The following ITPRID1 variants were observed in gnomAD, a reference collection of about 807,000 sequenced individuals.
The protein encoded by ITPRID1 is ITPR interacting domain containing 1.
In ITPRID1, 96 loss-of-function variants were observed where a neutral mutation model predicts 95.4. The observed-to-expected ratio is 1.01, with a 90% CI of 0.85 to 1.19. The LOEUF (loss-of-function observed/expected upper bound fraction) is 1.19. Among genes scored for constraint, ITPRID1 ranks in the 50% most tolerant of loss-of-function variants. The probability of loss-of-function intolerance (pLI) is 0.00; values close to 1 mark genes in which losing one functional copy is unlikely to be tolerated. For missense variants in ITPRID1, 1,339 were observed against 1,252.9 expected (o/e 1.07, Z -1.04); for synonymous variants, 510 against 453.6 (o/e 1.12, Z -1.58).
intron 12 of ITPRID1, among the ~76,000 whole-genome samples, chr7:31,648,236 C>T (rs778664615): frequency 6.6e-6 from 1 of 151,980 alleles, no homozygotes; most frequent in Non-Finnish European, 1.5e-5. Context: ...GTGCTCTTAC[C>T]ATTGAAGTTA....
rs34757342 is a variant in ITPRID1, at chr7:31,571,023, G to GTT, written c.309-1071_309-1070dup. ...AATTAAAGGACAGGGCCCAGCTATTGTTTTTTTTTGTTTGTTTGTTTGTTT... is the reference window on the plus strand; with the variant it reads ...AATTAAAGGACAGGGCCCAGCTATTGTTTTTTTTTTTGTTTGTTTGTTTGTTT... On this transcript the variant is annotated intron_variant, in intron 6 of 14. Transcript: ENST00000615280. 3.0e-4 allele frequency among the ~76,000 whole-genome samples: 45 copies of GTT among 150,568 alleles called. 1 individual carries two copies. The highest frequency in any genetic ancestry group is 1.5e-3 in the South Asian group (7 of 4,730).
Position 31,654,738 on chromosome 7 carries a change from T to C in ITPRID1, c.*1909T>C, listed in dbSNP as rs1791212486. ...TGCAGAATGGAATAGGAAAAACTGCTTGGAAAAGTAATGCCATGAGGGAAG... is the reference window on the plus strand; with the variant it reads ...TGCAGAATGGAATAGGAAAAACTGCCTGGAAAAGTAATGCCATGAGGGAAG... On this transcript the variant is annotated 3_prime_UTR_variant, in exon 15 of 15. Coordinates refer to ENST00000615280, the MANE Select transcript of ITPRID1 (RefSeq NM_001257967.3). Among the ~76,000 whole-genome samples the C allele has an allele frequency of 6.6e-6, 1 of 152,104 alleles. No individual in the cohort carries two copies. The highest frequency in any genetic ancestry group is 6.5e-5 in the Admixed American group (1 of 15,270).
chr7:31,609,936 A>C (rs1786792444), intron 10 of ITPRID1, among the ~76,000 whole-genome samples: 1 of 151,484 alleles, frequency 6.6e-6, no homozygotes, highest in African/African-American at 2.4e-5. Context: ...TTCCCCTCAA[A>C]GCCTGCTTTT....
In ITPRID1 at chr7:31,583,071, A is replaced by G. The variant is rs373492229; in HGVS notation, c.1171-63A>G. ...CAGTTGCCAGTCTTATTATATGTTG[A>G]TTAAAATAAGTGAATTTATTTGACA... On this transcript the variant is annotated intron_variant, in intron 9 of 14. Transcript: ENST00000615280. 3.6e-4 allele frequency: 439 copies of G among 1,206,106 alleles called. 1 individual carries two copies. Among genetic ancestry groups the G allele is most frequent in the Non-Finnish European group, 5.0e-4 (404 of 815,138 alleles). The allele number at this position is 1,206,106 out of a possible 1,614,324, so 74.7% of individuals were successfully genotyped here.
intron 1 of ITPRID1, 148 bp downstream of exon 1, chr7:31,514,268 A>T (rs555280751): frequency 6.6e-6 from 1 of 152,260 alleles, no homozygotes; most frequent in Non-Finnish European, 1.5e-5. Context: ...ATTCTCCATG[A>T]TCATTTCAAA....
At chr7:31,516,365 C>G (rs1201864315) in intron 1 of ITPRID1, among the ~76,000 whole-genome samples, 1 of 152,136 alleles carries the variant, frequency 6.6e-6, no homozygotes, top group African/African-American at 2.4e-5. Context: ...ACCTTAGACT[C>G]TATAAAAAGC....
chr7:31,578,269 G>T lies in ITPRID1; in HGVS notation c.1005G>T (p.Lys335Asn), dbSNP rs748329275. The change falls in exon 9 of 15, where the codon AAG becomes AAT. Residue 335 changes from lysine to asparagine, a missense_variant. Coordinates refer to ENST00000615280, the MANE Select transcript of ITPRID1 (RefSeq NM_001257967.3). ...ATCCTCCTCATGGTCTTCTGAGCAA[G>T]CAGTGGCCTTGCTCATCTATGCCGG... ...LPYPPHGLLS[K>N]QWPCSSMPAK... 1 of 1,613,920 alleles carries T rather than the reference G, an allele frequency of 6.2e-7. No homozygotes were observed. Among genetic ancestry groups the T allele is most frequent in the Non-Finnish European group, 8.5e-7 (1 of 1,179,860 alleles).
intron 1 of ITPRID1, among the ~76,000 whole-genome samples, chr7:31,535,313 T>C (rs756191032): frequency 1.3e-5 from 2 of 152,102 alleles, no homozygotes; most frequent in Non-Finnish European, 2.9e-5. Context: ...TGTTTTCATA[T>C]ATTTTGATTC....
chr7:31,618,808 G>A (rs1247587650), intron 10 of ITPRID1, among the ~76,000 whole-genome samples: 1 of 152,172 alleles, frequency 6.6e-6, no homozygotes, highest in East Asian at 1.9e-4. Flanking sequence ...GACTCCAAAT[G>A]GCATGCCATG....
chr7:31,582,434 A>G (rs1209757441), intron 9 of ITPRID1, among the ~76,000 whole-genome samples: 1 of 152,184 alleles, frequency 6.6e-6, no homozygotes, highest in Non-Finnish European at 1.5e-5. Context: ...TTTTATTTGT[A>G]GAGATGGGGT....
chr7:31,538,260 A>G (rs2128132172), intron 1 of ITPRID1, among the ~76,000 whole-genome samples: 1 of 151,960 alleles, frequency 6.6e-6, no homozygotes, highest in East Asian at 1.9e-4. Context: ...ACACGTGCGC[A>G]TGCACACACA....
chr7:31,628,413 G>A (rs1354898628), intron 10 of ITPRID1, among the ~76,000 whole-genome samples: 4 of 151,742 alleles, frequency 2.6e-5, no homozygotes, highest in Non-Finnish European at 4.4e-5. Flanking sequence ...CTGTCCCCCA[G>A]AATGCAGCTA....
intron 10 of ITPRID1, among the ~76,000 whole-genome samples, chr7:31,618,341 G>T (rs2128172137): frequency 7.6e-6 from 1 of 131,310 alleles, no homozygotes; most frequent in Non-Finnish European, 1.7e-5. Context: ...AATTCACATT[G>T]TTCTTTGGGA....
At chr7:31,637,025 G>C (rs548352698) in intron 10 of ITPRID1, among the ~76,000 whole-genome samples, 332 of 151,806 alleles carry the variant, frequency 2.2e-3, no homozygotes, top group Non-Finnish European at 3.7e-3. Flanking sequence ...TGAGAATGAT[G>C]GTTTCCAGCT....
chr7:31,649,524 T>C (rs185929485), intron 12 of ITPRID1, among the ~76,000 whole-genome samples: 9 of 152,266 alleles, frequency 5.9e-5, no homozygotes, highest in Admixed American at 4.6e-4. Context: ...GCTAGACACA[T>C]GGATGCCTCT....
intron 10 of ITPRID1, among the ~76,000 whole-genome samples, chr7:31,595,151 TCTC>T (rs1786031888): frequency 6.6e-6 from 1 of 150,964 alleles, no homozygotes; most frequent in Admixed American, 6.6e-5. Flanking sequence ...TTTAAGTGGT[TCTC>T]CTGCCTCAGC....
intron 10 of ITPRID1, among the ~76,000 whole-genome samples, chr7:31,622,941 A>T (rs1788060208): frequency 1.3e-5 from 2 of 152,250 alleles, no homozygotes; most frequent in South Asian, 4.1e-4. Flanking sequence ...CCAATCCCAC[A>T]GAAATACAAA....
chr7:31,544,043 C>T (rs185966334), intron 1 of ITPRID1, among the ~76,000 whole-genome samples: 13 of 152,144 alleles, frequency 8.5e-5, no homozygotes, highest in Admixed American at 2.6e-4. Context: ...TTGTCAAAGA[C>T]CAGCTGACTA....
intron 10 of ITPRID1, among the ~76,000 whole-genome samples, chr7:31,595,495 G>T (rs1786050295): frequency 6.6e-6 from 1 of 152,038 alleles, no homozygotes; most frequent in African/African-American, 2.4e-5. Flanking sequence ...CCCAGTACTT[G>T]GGGGCTGGGT....
Sources: gnomAD v4.1 joint callset for allele counts (sites outside exome capture counted in the v4.1 genomes callset) on GRCh38, gnomAD v4.1.1 for gene constraint, MANE v1.5 for transcripts, NCBI Gene and HGNC (gene_info 2026-07-23, HGNC 2026-07-21) for gene names.